Variants in CARMIL1 observed in about 807,000 individuals in gnomAD.
CARMIL1 encodes F-actin-uncapping protein LRRC16A.
In CARMIL1, 90 loss-of-function variants were observed where a neutral mutation model predicts 177.1. The ratio of observed to expected loss-of-function variants is 0.51; its 90% CI spans 0.43 to 0.61. The LOEUF is 0.61. CARMIL1 is among the 20% of genes least tolerant of loss of function. The pLI is 0.00. For missense variants in CARMIL1, 1,380 were observed against 1,667.0 expected, an observed-to-expected ratio of 0.83 and a Z score of 3.00; for synonymous variants, 577 against 606.2, an observed-to-expected ratio of 0.95 and a Z score of 0.71.
chr6:25,538,254 G>A (rs1808510398), intron 25 of CARMIL1, among the ~76,000 whole-genome samples: 1 of 152,156 alleles, frequency 6.6e-6, no homozygotes. Context: ...GTTTAAATGA[G>A]TAACAGCTCA....
At chr6:25,608,686 G>A (rs1193189570) in intron 35 of CARMIL1, among the ~76,000 whole-genome samples, 5 of 152,096 alleles carry the variant, frequency 3.3e-5, no homozygotes, top group Non-Finnish European at 5.9e-5. Flanking sequence ...TTTCCTCTCC[G>A]CCACAGCTCT....
At chr6:25,282,306 A>G (rs565095537) in intron 1 of CARMIL1, among the ~76,000 whole-genome samples, 27 of 152,188 alleles carry the variant, frequency 1.8e-4, no homozygotes, top group African/African-American at 6.3e-4. Flanking sequence ...ATTTCCCGCA[A>G]TTCTTTTTTA....
intron 26 of CARMIL1, 129 bp from the exon 27 acceptor site, chr6:25,550,781 C>T (rs757406270): frequency 1.0e-5 from 8 of 764,514 alleles, no homozygotes; most frequent in East Asian, 2.5e-5. Context: ...TTCTTGGTTG[C>T]GCTCTGGGAC....
At chr6:25,557,320 G>A (rs1436851393) in intron 29 of CARMIL1, among the ~76,000 whole-genome samples, 1 of 152,036 alleles carries the variant, frequency 6.6e-6, no homozygotes, top group Non-Finnish European at 1.5e-5. Flanking sequence ...ATGTGCTTTA[G>A]AAGATGGAAT....
At chr6:25,325,162 G>A (rs1581569318) in intron 2 of CARMIL1, among the ~76,000 whole-genome samples, 1 of 152,174 alleles carries the variant, frequency 6.6e-6, no homozygotes, top group South Asian at 2.1e-4. Flanking sequence ...TTGATGGGTG[G>A]TAGATTAAAG....
intron 8 of CARMIL1, among the ~76,000 whole-genome samples, chr6:25,457,122 CT>C (rs1483286631): frequency 6.6e-6 from 1 of 152,024 alleles, no homozygotes; most frequent in Non-Finnish European, 1.5e-5. Flanking sequence ...GGTCCTCAAC[CT>C]GGGTGACATG....
At chr6:25,612,849 G>A in intron 36 of CARMIL1, 1 of 985,380 alleles carries the variant, frequency 1.0e-6, no homozygotes, top group Non-Finnish European at 1.2e-6. Context: ...AAGAGGAAGT[G>A]AATGCAATTG....
chr6:25,340,426 A>G (rs576631210), intron 2 of CARMIL1, among the ~76,000 whole-genome samples: 1 of 152,350 alleles, frequency 6.6e-6, no homozygotes, highest in Admixed American at 6.5e-5. Context: ...GTAGGAGTTT[A>G]TAAATGGCTA....
intron 2 of CARMIL1, among the ~76,000 whole-genome samples, chr6:25,408,379 T>G (rs1308247519): frequency 6.7e-6 from 1 of 150,280 alleles, no homozygotes; most frequent in African/African-American, 2.5e-5. Context: ...TCTCAAGCAG[T>G]AACTAACATG....
At chr6:25,296,554 C>T (rs983777780) in intron 2 of CARMIL1, among the ~76,000 whole-genome samples, 4 of 152,172 alleles carry the variant, frequency 2.6e-5, no homozygotes, top group African/African-American at 7.2e-5. Context: ...CGCCCAGATG[C>T]GGGGAAGTGA....
In CARMIL1 at chr6:25,509,508, T is replaced by C; in HGVS notation, c.1396-148T>C. The C allele has an allele frequency of 1.6e-6, 1 of 631,508 alleles. No homozygotes were observed. The highest frequency in any genetic ancestry group is 2.9e-5 in the East Asian group (1 of 35,000). The allele number at this position is 631,508 out of a possible 1,614,324, so 39.1% of individuals were successfully genotyped here. On this transcript the variant is annotated intron_variant, in intron 17 of 36. Transcript: ENST00000329474. This position sits in a 1 kb window ranked among gnomAD's most constrained non-coding sequence, Gnocchi z 4.1. Reference sequence around the variant, plus strand: ...TAGTGATAGGCTCTTTACCCACTGATAATAGCTTCTTTGGAGTTGATAAGC... The same window carrying C: ...TAGTGATAGGCTCTTTACCCACTGACAATAGCTTCTTTGGAGTTGATAAGC...
chr6:25,567,305 A>G (rs1231846063), intron 29 of CARMIL1, among the ~76,000 whole-genome samples: 1 of 152,164 alleles, frequency 6.6e-6, no homozygotes, highest in Non-Finnish European at 1.5e-5. Flanking sequence ...CCACGGGCCA[A>G]TTATTTCTTT....
intron 27 of CARMIL1, among the ~76,000 whole-genome samples, chr6:25,553,420 C>T (rs772073572): frequency 6.6e-6 from 1 of 152,118 alleles, no homozygotes; most frequent in Non-Finnish European, 1.5e-5. Flanking sequence ...GCTGTGTGGA[C>T]AACTCTCTGA....
chr6:25,408,065 T>G (rs1794551866), intron 2 of CARMIL1, among the ~76,000 whole-genome samples: 1 of 151,822 alleles, frequency 6.6e-6, no homozygotes, highest in African/African-American at 2.4e-5. Flanking sequence ...GAGGCCCAGG[T>G]GGGAGGATCA....
intron 32 of CARMIL1, 32 bp downstream of exon 32, chr6:25,594,559 A>G (rs747042389): frequency 7.8e-6 from 9 of 1,151,800 alleles, no homozygotes; most frequent in African/African-American, 3.1e-5. Flanking sequence ...TGATAATGCT[A>G]TTTTATTCAT....
chr6:25,417,083 T>G (rs1581867467), intron 2 of CARMIL1, among the ~76,000 whole-genome samples: 1 of 152,128 alleles, frequency 6.6e-6, no homozygotes, highest in Admixed American at 6.5e-5. Context: ...TCTTTTCCAC[T>G]CTGGGGGAGG....
chr6:25,294,585 A>G (rs575684508), intron 2 of CARMIL1, among the ~76,000 whole-genome samples: 99 of 152,224 alleles, frequency 6.5e-4, no homozygotes, highest in African/African-American at 1.9e-3. Context: ...CTCACTCTCC[A>G]TTTCTTCTTG....
In CARMIL1 at chr6:25,510,723, A is replaced by G; in HGVS notation, c.1593A>G (p.Val531=). 6.5e-7 allele frequency: 1 copy of G among 1,549,054 alleles called. No individual in the cohort carries two copies. The highest frequency in any genetic ancestry group is 8.7e-7 in the Non-Finnish European group (1 of 1,143,136). Residue 531 remains valine (V), a synonymous_variant, in exon 20 of 37, where the codon GTA becomes GTG. Transcript: ENST00000329474. The part of the protein sequence containing the change: ...NNMKSKNLTP[V]LDNLVQMIQD... ...ATCTCTTTAGAAATCTGACACCTGT[A>G]TTGGACAACTTAGTACAGATGATTC...
chr6:25,556,921 TAAATCTCACC>T (rs1810674609), intron 29 of CARMIL1, 71 bp downstream of exon 29: 6 of 1,355,132 alleles, frequency 4.4e-6, no homozygotes, highest in Non-Finnish European at 6.1e-6. Flanking sequence ...TTTTTTTTTT[TAAATCTCACC>T]TTTTGAAATC....
Sources: gnomAD v4.1 joint callset for allele counts (sites outside exome capture counted in the v4.1 genomes callset) on GRCh38, gnomAD v4.1.1 for gene constraint, Gnocchi (gnomAD v3.1) non-coding constraint, MANE v1.5 for transcripts, NCBI Gene and HGNC (gene_info 2026-07-23, HGNC 2026-07-21) for gene names.